ATOSA: variants seen among roughly 807,000 people sequenced by gnomAD.
The protein encoded by ATOSA is atos homolog protein A.
the ATOSA span, chr15:52,678,533 G>GCGCCTCCCGAGCCCTCCGCC: frequency 6.4e-6 from 1 of 156,680 alleles, no homozygotes; most frequent in African/African-American, 2.4e-5. Context: ...CCAGTCCCCT[G>GCGCCTCCCGAGCCCTCCGCC]CGCCTCCCGA....
At chr15:52,621,583 G>A in the ATOSA span, among the ~76,000 whole-genome samples, 1 of 152,106 alleles carries the variant, frequency 6.6e-6, no homozygotes, top group Non-Finnish European at 1.5e-5. Context: ...TGAACCATGG[G>A]GGTGGGTTTT....
the ATOSA span, chr15:52,587,421 A>G: frequency 8.5e-6 from 4 of 468,736 alleles, no homozygotes; most frequent in Admixed American, 1.5e-4. Flanking sequence ...TGTCGCTATA[A>G]AGAATATATA....
chr15:52,640,681 G>T, the ATOSA span, among the ~76,000 whole-genome samples: 1 of 144,928 alleles, frequency 6.9e-6, no homozygotes, highest in African/African-American at 2.6e-5. Context: ...AAAATTATCA[G>T]TTTTATCAGA....
At chr15:52,698,664 C>T in the ATOSA span, among the ~76,000 whole-genome samples, 2,795 of 152,242 alleles carry the variant, frequency 0.018, 34 homozygotes, top group Non-Finnish European at 0.028. Flanking sequence ...TAAGAACAAG[C>T]ACAACTAAAA....
the ATOSA span, among the ~76,000 whole-genome samples, chr15:52,603,381 A>AATGTAAATT: frequency 6.6e-6 from 1 of 152,190 alleles, no homozygotes; most frequent in South Asian, 2.1e-4. Flanking sequence ...TGTTAGTGGG[A>AATGTAAATT]ATGTAAATTA....
At chr15:52,702,966 G>T in the ATOSA span, among the ~76,000 whole-genome samples, 1 of 152,058 alleles carries the variant, frequency 6.6e-6, no homozygotes, top group East Asian at 1.9e-4. Flanking sequence ...AATTTTCATA[G>T]TAACTTTATT....
chr15:52,698,111 G>C, the ATOSA span, among the ~76,000 whole-genome samples: 1 of 151,438 alleles, frequency 6.6e-6, no homozygotes. Context: ...CGAGTAGCTG[G>C]GACTACAGGC....
chr15:52,697,764 T>C, the ATOSA span, among the ~76,000 whole-genome samples: 345 of 151,068 alleles, frequency 2.3e-3, 6 homozygotes, highest in South Asian at 0.016. Flanking sequence ...CAATAAAAAA[T>C]TGGGCAAAGA....
chr15:52,662,198 T>C, the ATOSA span, among the ~76,000 whole-genome samples: 1 of 152,174 alleles, frequency 6.6e-6, no homozygotes, highest in Non-Finnish European at 1.5e-5. Flanking sequence ...TGAAAGTGTT[T>C]ATCTGGTTGG....
At chr15:52,669,163 C>T in the ATOSA span, among the ~76,000 whole-genome samples, 2 of 151,990 alleles carry the variant, frequency 1.3e-5, no homozygotes, top group Admixed American at 1.3e-4. Flanking sequence ...TCTTGTGATC[C>T]GCCCACCTCA....
chr15:52,684,916 T>A, the ATOSA span, among the ~76,000 whole-genome samples: 2 of 152,128 alleles, frequency 1.3e-5, no homozygotes. Context: ...ACCTACAAAT[T>A]GAAATGTAAG....
the ATOSA span, among the ~76,000 whole-genome samples, chr15:52,615,435 C>CAAT: frequency 6.6e-6 from 1 of 152,124 alleles, no homozygotes; most frequent in African/African-American, 2.4e-5. Flanking sequence ...TTTCAAGTGC[C>CAAT]TATTATACCT....
the ATOSA span, among the ~76,000 whole-genome samples, chr15:52,688,740 T>A: frequency 6.6e-6 from 1 of 152,272 alleles, no homozygotes; most frequent in Middle Eastern, 3.4e-3. Context: ...TGGTGGCTGC[T>A]CCATGGGAGT....
At chr15:52,589,234 C>T in the ATOSA span, among the ~76,000 whole-genome samples, 1 of 152,178 alleles carries the variant, frequency 6.6e-6, no homozygotes, top group Non-Finnish European at 1.5e-5. Flanking sequence ...TAATGAGGTA[C>T]TCTGTATACC....
chr15:52,661,076 T>C, the ATOSA span, among the ~76,000 whole-genome samples: 1 of 152,252 alleles, frequency 6.6e-6, no homozygotes, highest in Non-Finnish European at 1.5e-5. Flanking sequence ...AAAATTGTCC[T>C]CTATATTTCT....
At chr15:52,633,031 C>A in the ATOSA span, among the ~76,000 whole-genome samples, 1 of 152,052 alleles carries the variant, frequency 6.6e-6, no homozygotes, top group Non-Finnish European at 1.5e-5. Flanking sequence ...TAAGTCCAAT[C>A]AGAGCAAGTA....
chr15:52,702,956 A>G, the ATOSA span, among the ~76,000 whole-genome samples: 1 of 152,132 alleles, frequency 6.6e-6, no homozygotes, highest in African/African-American at 2.4e-5. Flanking sequence ...CTTGTACACA[A>G]ATTTTCATAG....
chr15:52,703,391 T>C, the ATOSA span, among the ~76,000 whole-genome samples: 2 of 152,194 alleles, frequency 1.3e-5, no homozygotes, highest in African/African-American at 2.4e-5. Flanking sequence ...AAAGATCAAT[T>C]TCATTCATAA....
chr15:52,641,356 A>G, the ATOSA span, among the ~76,000 whole-genome samples: 1 of 152,230 alleles, frequency 6.6e-6, no homozygotes, highest in East Asian at 1.9e-4. Context: ...GCCCCCCTAC[A>G]GTGCTATGGG....
Sources: allele counts gnomAD v4.1 joint callset (sites outside exome capture counted in the v4.1 genomes callset), GRCh38; gene constraint gnomAD v4.1.1; transcripts MANE v1.5; gene names NCBI Gene and HGNC (gene_info 2026-07-23, HGNC 2026-07-21).